Variants in HECW1 observed in about 807,000 individuals in gnomAD.
HECW1 encodes E3 ubiquitin-protein ligase HECW1.
In HECW1, 61 loss-of-function variants were observed where a neutral mutation model predicts 182.3. That is an observed-to-expected ratio of 0.33 (90% CI 0.27 to 0.41). The LOEUF is 0.41. HECW1 is among the 10% of genes least tolerant of loss of function. The pLI, the probability that HECW1 is intolerant of heterozygous loss-of-function variation, is 1.00. For missense variants in HECW1, 1,739 were observed against 2,108.9 expected, an observed-to-expected ratio of 0.82 and a Z score of 3.44; for synonymous variants, 859 against 832.6, an observed-to-expected ratio of 1.03 and a Z score of -0.55.
chr7:43,170,304 A>G (rs1343031458), intron 2 of HECW1, among the ~76,000 whole-genome samples: 1 of 152,172 alleles, frequency 6.6e-6, no homozygotes, highest in Non-Finnish European at 1.5e-5. Flanking sequence ...ATAATAGTAG[A>G]AATAAAGTGC....
chr7:43,428,746 A>G (rs137993484), intron 8 of HECW1, among the ~76,000 whole-genome samples: 35 of 152,246 alleles, frequency 2.3e-4, no homozygotes, highest in African/African-American at 8.2e-4. Flanking sequence ...TGTTCTGGGC[A>G]CTCTAAAGTA....
At chr7:43,524,815 A>G (rs1376282225) in intron 24 of HECW1, among the ~76,000 whole-genome samples, 1 of 152,230 alleles carries the variant, frequency 6.6e-6, no homozygotes, top group Non-Finnish European at 1.5e-5. Context: ...TTGGAAAAGA[A>G]GTTACTGCAA....
In HECW1 at chr7:43,266,822, G is replaced by A. The variant is rs148421487; in HGVS notation, c.27+22890G>A. On this transcript the variant is annotated intron_variant, in intron 3 of 29. Coordinates refer to ENST00000395891, the MANE Select transcript of HECW1 (RefSeq NM_015052.5). Reference sequence around the variant, plus strand: ...TCTATATTCTATTTAAAAGAGACACGCAAAAGGAATGATTAAAAGTAAAGA... The same window carrying A: ...TCTATATTCTATTTAAAAGAGACACACAAAAGGAATGATTAAAAGTAAAGA... Among the ~76,000 whole-genome samples the A allele has an allele frequency of 8.3e-4, 126 of 152,158 alleles. 2 individuals are homozygous for A. Among genetic ancestry groups the A allele is most frequent in the South Asian group, 3.7e-3 (18 of 4,826 alleles).
At chr7:43,312,584 A>T (rs1426135521) in intron 4 of HECW1, among the ~76,000 whole-genome samples, 2 of 152,332 alleles carry the variant, frequency 1.3e-5, no homozygotes, top group Non-Finnish European at 2.9e-5. Flanking sequence ...GAGAAAGTTG[A>T]CTTGCCTTAC....
intron 2 of HECW1, among the ~76,000 whole-genome samples, chr7:43,217,442 G>A (rs1419157418): frequency 1.3e-5 from 2 of 152,168 alleles, no homozygotes; most frequent in Non-Finnish European, 2.9e-5. Context: ...GGTAGGTGTT[G>A]GATTATAGTT....
intron 3 of HECW1, among the ~76,000 whole-genome samples, chr7:43,276,279 A>G (rs1275485787): frequency 6.6e-6 from 1 of 152,194 alleles, no homozygotes; most frequent in African/African-American, 2.4e-5. Context: ...ATTGATTTCC[A>G]TGTCAAGACT....
intron 6 of HECW1, among the ~76,000 whole-genome samples, chr7:43,371,410 T>A (rs1327351275): frequency 7.9e-5 from 12 of 152,152 alleles, no homozygotes; most frequent in Non-Finnish European, 1.5e-4. Context: ...AGGGGATATA[T>A]GGGAATGCTG....
intron 3 of HECW1, among the ~76,000 whole-genome samples, chr7:43,247,672 A>AGAGG (rs1231760805): frequency 1.9e-5 from 2 of 106,346 alleles, no homozygotes; most frequent in African/African-American, 7.2e-5. Context: ...AAGGAAGGGG[A>AGAGG]GAGGGAGGGA....
At chr7:43,406,858 G>T (rs1043862346) in intron 7 of HECW1, among the ~76,000 whole-genome samples, 1 of 152,252 alleles carries the variant, frequency 6.6e-6, no homozygotes, top group Non-Finnish European at 1.5e-5. Context: ...GGCAGAGTTT[G>T]CAGTGAGCCA....
At chr7:43,138,262 T>G (rs1252439439) in intron 2 of HECW1, among the ~76,000 whole-genome samples, 1 of 152,254 alleles carries the variant, frequency 6.6e-6, no homozygotes, top group East Asian at 1.9e-4. Flanking sequence ...CTGGTGAAGA[T>G]ATCATTTCAA....
chr7:43,141,906 A>G (rs1788198225), intron 2 of HECW1, among the ~76,000 whole-genome samples: 1 of 152,226 alleles, frequency 6.6e-6, no homozygotes, highest in Admixed American at 6.5e-5. Context: ...TATGAGCCGG[A>G]CACCTCAAGT....
intron 8 of HECW1, among the ~76,000 whole-genome samples, chr7:43,408,194 C>G (rs541153564): frequency 1.3e-5 from 2 of 152,104 alleles, no homozygotes; most frequent in African/African-American, 4.8e-5. Context: ...CCTAAAATAT[C>G]CCTGGTTGGG....
chr7:43,387,746 A>G (rs2074855951), intron 6 of HECW1, among the ~76,000 whole-genome samples: 1 of 152,256 alleles, frequency 6.6e-6, no homozygotes. Context: ...TGGAGGGTTC[A>G]GGATTCTGGG....
chr7:43,374,078 T>A (rs1265256524), intron 6 of HECW1, among the ~76,000 whole-genome samples: 2 of 152,226 alleles, frequency 1.3e-5, no homozygotes. Flanking sequence ...AGGTATTTCT[T>A]TGAGGAAACT....
chr7:43,406,062 T>C (rs2075600467), intron 7 of HECW1, among the ~76,000 whole-genome samples: 1 of 152,236 alleles, frequency 6.6e-6, no homozygotes, highest in African/African-American at 2.4e-5. Context: ...ACCTTGATGT[T>C]ATGACAGAAA....
chr7:43,292,175 G>A (rs1240969708), intron 3 of HECW1, among the ~76,000 whole-genome samples: 1 of 152,216 alleles, frequency 6.6e-6, no homozygotes, highest in African/African-American at 2.4e-5. Context: ...ATGCCAAAGA[G>A]GCATATTTTG....
At chr7:43,261,172 T>C (rs1032223421) in intron 3 of HECW1, among the ~76,000 whole-genome samples, 3 of 152,186 alleles carry the variant, frequency 2.0e-5, no homozygotes, top group African/African-American at 7.2e-5. Context: ...CAAGTGGCCA[T>C]AGGGACCTGG....
intron 2 of HECW1, among the ~76,000 whole-genome samples, chr7:43,168,458 G>C (rs1562623923): frequency 6.6e-6 from 1 of 152,074 alleles, no homozygotes; most frequent in African/African-American, 2.4e-5. Flanking sequence ...AGGAGTTTGA[G>C]ACCAACCTGG....
intron 2 of HECW1, among the ~76,000 whole-genome samples, chr7:43,162,329 G>T (rs997727067): frequency 6.6e-6 from 1 of 152,238 alleles, no homozygotes; most frequent in Non-Finnish European, 1.5e-5. Context: ...TGGCAGGGCT[G>T]TACTCCCTCA....
Sources: gnomAD v4.1 joint callset for allele counts (sites outside exome capture counted in the v4.1 genomes callset) on GRCh38, gnomAD v4.1.1 for gene constraint, MANE v1.5 for transcripts, NCBI Gene and HGNC (gene_info 2026-07-23, HGNC 2026-07-21) for gene names.